Variants in OAS3 observed in about 807,000 individuals in gnomAD.
The protein encoded by OAS3 is 2'-5'-oligoadenylate synthetase 3.
In OAS3, 107 loss-of-function variants were observed where a neutral mutation model predicts 113.0. The observed-to-expected ratio is 0.95, with a 90% CI of 0.81 to 1.11. The LOEUF (loss-of-function observed/expected upper bound fraction) is 1.11. Among genes scored for constraint, OAS3 ranks in the 50% most tolerant of loss-of-function variants. OAS3 has a pLI of 0.00. For synonymous variants in OAS3, 552 were observed against 573.6 expected, an observed-to-expected ratio of 0.96 and a Z score of 0.54; for missense variants, 1,258 against 1,389.1, an observed-to-expected ratio of 0.91 and a Z score of 1.50.
At position 112,963,358 on chromosome 12, in the gene OAS3, C is replaced by T. The variant is rs1465694620; in HGVS notation, c.2130C>T (p.His710=). The change falls in exon 10 of 16, where the codon CAC becomes CAT. Residue 710 remains histidine (H), a synonymous_variant. Coordinates refer to ENST00000228928, the MANE Select transcript of OAS3 (RefSeq NM_006187.4). This position sits in a 1 kb window ranked among gnomAD's most constrained non-coding sequence, Gnocchi z 4.6. The part of the protein sequence containing the change: ...DPADPTWNVG[H]GSWELLAQEA... ...CTGATCCCACCTGGAACGTGGGCCACGGTAGCTGGGAGCTGTTGGCCCAGG... is the reference window on the plus strand; with the variant it reads ...CTGATCCCACCTGGAACGTGGGCCATGGTAGCTGGGAGCTGTTGGCCCAGG... 2.8e-5 allele frequency: 44 copies of T among 1,561,772 alleles called. No individual in the cohort carries two copies. In the South Asian group the frequency reaches 3.5e-4, roughly 13 times the overall value.
chr12:112,969,564 T>C (rs781375431), intron 14 of OAS3, 44 bp from the exon 15 acceptor site: 5 of 1,571,202 alleles, frequency 3.2e-6, no homozygotes, highest in Non-Finnish European at 4.3e-6. Flanking sequence ...GGTGGACACC[T>C]AGATGTTGCC....
At position 112,969,691 on chromosome 12, in the gene OAS3, C is replaced by G. The variant is rs746463775; in HGVS notation, c.3188C>G (p.Ala1063Gly). The change falls in exon 15 of 16, where the codon GCC becomes GGC. Residue 1063 changes from alanine to glycine, a missense_variant. Coordinates refer to ENST00000228928, the MANE Select transcript of OAS3 (RefSeq NM_006187.4). ...RWDLLAKEAA[A>G]CTSALCCMGR... is the part of the protein sequence containing the mutation. ...GACCTGCTGGCCAAGGAAGCTGCAG[C>G]CTGCACATCTGCCCTGTGCTGCATG... The G allele has an allele frequency of 3.1e-6, 5 of 1,612,668 alleles. No individual in the cohort carries two copies. Among genetic ancestry groups the G allele is most frequent in the Middle Eastern group, 3.3e-4 (2 of 6,042 alleles).
chr12:112,964,009 T>C (rs2136359269), intron 10 of OAS3, among the ~76,000 whole-genome samples: 1 of 152,234 alleles, frequency 6.6e-6, no homozygotes, highest in East Asian at 1.9e-4. Context: ...ACTTCATTAT[T>C]GCACTCATTT....
chr12:112,970,244 C>G lies in OAS3; in HGVS notation c.*271C>G. The stretch of plus-strand genomic sequence containing the variant: ...TGCGTTTGCAGCTTCTCTGTCACTT[C>G]CATGACTCTATCCTCATACCACCAC... On this transcript the variant is annotated 3_prime_UTR_variant, in exon 16 of 16. Coordinates refer to ENST00000228928, the MANE Select transcript of OAS3 (RefSeq NM_006187.4). 1.8e-6 allele frequency: 1 copy of G among 557,206 alleles called. No individual in the cohort carries two copies. The highest frequency in any genetic ancestry group is 3.2e-6 in the Non-Finnish European group (1 of 309,284). 34.5% of individuals were successfully genotyped at this position (557,206 alleles called of 1,614,324 possible).
intron 7 of OAS3, among the ~76,000 whole-genome samples, chr12:112,959,372 A>T (rs1359673487): frequency 1.3e-5 from 2 of 151,566 alleles, no homozygotes; most frequent in East Asian, 1.9e-4. Flanking sequence ...CAGTGAGAGG[A>T]GTGAGAGGAA....
chr12:112,943,385 G>T (rs929363435), intron 2 of OAS3, among the ~76,000 whole-genome samples: 4 of 152,100 alleles, frequency 2.6e-5, no homozygotes, highest in Admixed American at 6.5e-5. Context: ...GGAAACTGAG[G>T]CTCAGAGACA....
Position 112,961,169 on chromosome 12 carries a change from C to A in OAS3, c.1756C>A (p.Leu586Met). 2 of 1,613,362 alleles carry A rather than the reference C, an allele frequency of 1.2e-6. No homozygotes were observed. The highest frequency in any genetic ancestry group is 1.7e-6 in the Non-Finnish European group (2 of 1,179,886). The stretch of plus-strand genomic sequence containing the variant: ...CGAGCATAAGGCCTGCTTCGCAGAG[C>A]TGCGGAGGAACTTCATGAACATTCG... ...EGEHKACFAE[L>M]RRNFMNIRPV... Residue 586 changes from leucine to methionine, a missense_variant, in exon 8 of 16, where the codon CTG (leucine) becomes ATG (methionine). Leu to Met is a conservative substitution (Grantham distance 15, BLOSUM62 2). Transcript: ENST00000228928.
rs1471411907 is a variant in OAS3, at chr12:112,948,868, C to T, written c.1037C>T (p.Pro346Leu). 3.8e-6 allele frequency: 6 copies of T among 1,568,900 alleles called. No individual in the cohort carries two copies. The African/African-American group carries it at 8.1e-5, about 21-fold the overall frequency. ...PVQSWKGPGLPRAGCSGLGHP... is the reference protein window; with the variant it reads ...PVQSWKGPGLLRAGCSGLGHP... Reference sequence around the variant, plus strand: ...CCTTCAATGACCTTCCAGGGCCTTCCACGTGCTGGATGCTCAGGTTTGGGC... The same window carrying T: ...CCTTCAATGACCTTCCAGGGCCTTCTACGTGCTGGATGCTCAGGTTTGGGC... Residue 346 changes from proline to leucine, a missense_variant, in exon 6 of 16, where the codon CCA becomes CTA. Transcript: ENST00000228928.
chr12:112,966,389 A>G (rs2043934490), intron 12 of OAS3, among the ~76,000 whole-genome samples: 3 of 152,170 alleles, frequency 2.0e-5, no homozygotes, highest in Admixed American at 2.0e-4. Flanking sequence ...CCAGCTTTGA[A>G]TGGTTTGTGT....
intron 7 of OAS3, among the ~76,000 whole-genome samples, chr12:112,955,907 A>C (rs2043831344): frequency 6.6e-6 from 1 of 152,202 alleles, no homozygotes; most frequent in African/African-American, 2.4e-5. Flanking sequence ...TTTCAGAAGG[A>C]ATGGTAACAG....
intron 6 of OAS3, 76 bp downstream of exon 6, chr12:112,949,281 T>G (rs2043767681): frequency 7.5e-7 from 1 of 1,340,224 alleles, no homozygotes; most frequent in African/African-American, 1.4e-5. Flanking sequence ...GTTACAGCAA[T>G]GGAGCTGAGG....
At chr12:112,939,662 C>T (rs2136341668) in intron 1 of OAS3, among the ~76,000 whole-genome samples, 1 of 152,188 alleles carries the variant, frequency 6.6e-6, no homozygotes. Context: ...CACCATGTTG[C>T]CCAGGCTCCG....
intron 1 of OAS3, among the ~76,000 whole-genome samples, chr12:112,941,287 G>T (rs187910266): frequency 6.6e-6 from 1 of 152,316 alleles, no homozygotes; most frequent in East Asian, 1.9e-4. Context: ...GATCACTCGA[G>T]CCCAGGAGTT....
chr12:112,969,505 C>A, intron 14 of OAS3, 103 bp from the exon 15 acceptor site: 1 of 1,361,718 alleles, frequency 7.3e-7, no homozygotes, highest in Non-Finnish European at 1.0e-6. Flanking sequence ...TGGCTCTAGC[C>A]CCTGCAAAGT....
chr12:112,968,181 G>A lies in OAS3; in HGVS notation c.3104+7G>A, dbSNP rs935081325. 1.2e-6 allele frequency: 2 copies of A among 1,607,956 alleles called. No individual in the cohort carries two copies. Among genetic ancestry groups the A allele is most frequent in the African/African-American group, 1.3e-5 (1 of 74,888 alleles). On this transcript the variant is annotated splice_region_variant and intron_variant, in intron 14 of 15. Coordinates refer to ENST00000228928, the MANE Select transcript of OAS3 (RefSeq NM_006187.4). ...AGCAGCTTCAGAAGCCCAGGTTCAG[G>A]TCTACCCCCAATGTTCCAGAATTTC...
Position 112,971,957 on chromosome 12 carries a change from C to A in OAS3, c.*1984C>A, listed in dbSNP as rs569294845. The A allele has an allele frequency of 6.6e-6, 1 of 152,490 alleles. No homozygotes were observed. The highest frequency in any genetic ancestry group is 2.1e-4 in the South Asian group (1 of 4,828). 9.4% of individuals were successfully genotyped at this position (152,490 alleles called of 1,614,324 possible). A position where few individuals can be genotyped will look rare whatever the true frequency, so the allele number is the denominator to read the frequency against. ...ATCCAAAGCTAGAACTCTCAGGACC[C>A]CAAACTCCACCTCTTGGATTGGCCC... On this transcript the variant is annotated 3_prime_UTR_variant, in exon 16 of 16. Transcript: ENST00000228928.
intron 11 of OAS3, 67 bp downstream of exon 11, chr12:112,964,475 C>A: frequency 1.3e-6 from 2 of 1,512,836 alleles, no homozygotes; most frequent in African/African-American, 1.4e-5. Flanking sequence ...AGCCCAGGGC[C>A]AGGCTTGACC....
At chr12:112,966,118 G>A in intron 12 of OAS3, 89 bp downstream of exon 12, 1 of 1,309,650 alleles carries the variant, frequency 7.6e-7, no homozygotes, top group Non-Finnish European at 1.1e-6. Context: ...TACACAACCA[G>A]GCCACATCTG....
intron 7 of OAS3, among the ~76,000 whole-genome samples, chr12:112,953,669 T>A (rs2043810423): frequency 6.6e-6 from 1 of 152,140 alleles, no homozygotes; most frequent in Non-Finnish European, 1.5e-5. Context: ...GACTTTTTAA[T>A]GATCGCCATT....
Sources: gnomAD v4.1 joint callset for allele counts (sites outside exome capture counted in the v4.1 genomes callset) on GRCh38, gnomAD v4.1.1 for gene constraint, Gnocchi (gnomAD v3.1) non-coding constraint, MANE v1.5 for transcripts, NCBI Gene and HGNC (gene_info 2026-07-23, HGNC 2026-07-21) for gene names.